The following ATP10B variants were observed in gnomAD, a reference collection of about 807,000 sequenced individuals.
ATP10B encodes ATPase phospholipid transporting 10B (putative).
ATP10B carries 122 observed loss-of-function variants against 141.2 expected under a neutral mutation model. That is an observed-to-expected ratio of 0.86 (90% CI 0.75 to 1.00). ATP10B has a LOEUF of 1.00. Among genes scored for constraint, ATP10B ranks in the 50% least tolerant of loss-of-function variants. The pLI is 0.00. For synonymous variants in ATP10B, 685 were observed against 692.0 expected, an observed-to-expected ratio of 0.99 and a Z score of 0.16; for missense variants, 1,876 against 1,825.3, an observed-to-expected ratio of 1.03 and a Z score of -0.51.
chr5:160,689,509 A>T (rs926500508), intron 3 of ATP10B, among the ~76,000 whole-genome samples: 1 of 152,250 alleles, frequency 6.6e-6, no homozygotes, highest in Non-Finnish European at 1.5e-5. Flanking sequence ...CCCTAAGCTG[A>T]TAAGCAACTT....
intron 10 of ATP10B, chr5:160,639,295 CT>C (rs1759648721): frequency 6.6e-6 from 1 of 152,282 alleles, no homozygotes; most frequent in Non-Finnish European, 1.5e-5. Context: ...AATACCCCCT[CT>C]CTCCCCAGGA....
At chr5:160,594,581 G>A (rs1413178507) in intron 22 of ATP10B, among the ~76,000 whole-genome samples, 1 of 151,640 alleles carries the variant, frequency 6.6e-6, no homozygotes, top group Non-Finnish European at 1.5e-5. Flanking sequence ...CCAATTAAAA[G>A]ACACAGACTG....
chr5:160,822,933 A>G (rs1413594930), intron 1 of ATP10B, among the ~76,000 whole-genome samples: 3 of 145,038 alleles, frequency 2.1e-5, no homozygotes, highest in Non-Finnish European at 4.5e-5. Context: ...GAAATAATGA[A>G]TAAGACCTAG....
chr5:160,883,617 A>C, the ATP10B span, among the ~76,000 whole-genome samples: 1 of 152,214 alleles, frequency 6.6e-6, no homozygotes. Flanking sequence ...AACATGCCTT[A>C]GTTTATCACG....
At chr5:160,846,337 C>CT (rs1278106955) in intron 1 of ATP10B, among the ~76,000 whole-genome samples, 3 of 152,132 alleles carry the variant, frequency 2.0e-5, no homozygotes, top group Non-Finnish European at 4.4e-5. Context: ...GAACTATATA[C>CT]TAGTCATTCA....
intron 1 of ATP10B, among the ~76,000 whole-genome samples, chr5:160,812,902 A>T (rs577216377): frequency 6.6e-6 from 1 of 152,366 alleles, no homozygotes; most frequent in East Asian, 1.9e-4. Context: ...AAGCACAAGA[A>T]GGTTGTAGAA....
the ATP10B span, among the ~76,000 whole-genome samples, chr5:160,891,870 T>C: frequency 6.6e-6 from 1 of 152,216 alleles, no homozygotes; most frequent in African/African-American, 2.4e-5. Flanking sequence ...GGGAAATTAT[T>C]TAATCTGAGT....
In ATP10B at chr5:160,581,094, G is replaced by A. The variant is rs537734117; in HGVS notation, c.3750+8498C>T. ...TTTTGTTAATCTTTTCAAAACACTA[G>A]TTCCTGGATTCATTGATTTTTTGTT... On this transcript the variant is annotated intron_variant, in intron 24 of 25. Coordinates refer to ENST00000327245, the MANE Select transcript of ATP10B (RefSeq NM_025153.3). Among the ~76,000 whole-genome samples, 184 of 152,282 alleles carry A rather than the reference G, an allele frequency of 1.2e-3. 1 individual carries two copies. In the South Asian group the frequency reaches 0.021, roughly 17 times the overall value.
At chr5:160,622,286 G>A (rs1758387744) in intron 14 of ATP10B, 108 bp downstream of exon 14, 1 of 1,138,998 alleles carries the variant, frequency 8.8e-7, no homozygotes, top group Non-Finnish European at 1.2e-6. Context: ...CTGTTGCTAG[G>A]ACCCAAATTT....
intron 7 of ATP10B, among the ~76,000 whole-genome samples, chr5:160,655,967 C>T (rs536394439): frequency 3.9e-5 from 6 of 152,294 alleles, no homozygotes; most frequent in South Asian, 4.1e-4. Context: ...GGCGTAATCA[C>T]TCCCCGGGGT....
chr5:160,873,943 C>T, the ATP10B span, among the ~76,000 whole-genome samples: 27 of 152,382 alleles, frequency 1.8e-4, no homozygotes, highest in African/African-American at 6.3e-4. Flanking sequence ...TGCAAGGCGG[C>T]AGCCAGGCTG....
chr5:160,598,675 C>T, intron 22 of ATP10B, 95 bp downstream of exon 22: 1 of 1,139,290 alleles, frequency 8.8e-7, no homozygotes, highest in Non-Finnish European at 1.3e-6. Context: ...GGCTTCTGAC[C>T]CCAGCATACA....
At chr5:160,695,192 A>G (rs963925109) in intron 3 of ATP10B, among the ~76,000 whole-genome samples, 1 of 152,190 alleles carries the variant, frequency 6.6e-6, no homozygotes. Flanking sequence ...ATTGAAACTG[A>G]CCTATTTGGG....
rs114519395 is a variant in ATP10B at position 160,785,377 on chromosome 5, C to T, written c.-331+182G>A. Among the ~76,000 whole-genome samples the T allele has an allele frequency of 5.9e-3, 893 of 152,156 alleles. 7 individuals carry two copies. The highest frequency in any genetic ancestry group is 0.019 in the African/African-American group (808 of 41,514). ...CTTGGCATCTGACATACCAGATCAG[C>T]TGACGTTTATTTTACTGGGTTGGAG... On this transcript the variant is annotated intron_variant, in intron 2 of 25. Coordinates refer to ENST00000327245, the MANE Select transcript of ATP10B (RefSeq NM_025153.3).
chr5:160,887,648 T>C, the ATP10B span, among the ~76,000 whole-genome samples: 13,456 of 152,198 alleles, frequency 0.088, 759 homozygotes, highest in Non-Finnish European at 0.12. Flanking sequence ...CTCACTCATG[T>C]TTCTCCAGCT....
At chr5:160,910,375 T>C in the ATP10B span, among the ~76,000 whole-genome samples, 5,136 of 152,272 alleles carry the variant, frequency 0.034, 304 homozygotes, top group African/African-American at 0.12. Flanking sequence ...GTATGTATAT[T>C]CTCAATCTCT....
At chr5:160,642,885 C>T (rs1759977314) in intron 9 of ATP10B, among the ~76,000 whole-genome samples, 3 of 152,224 alleles carry the variant, frequency 2.0e-5, no homozygotes, top group Admixed American at 2.0e-4. Context: ...TAGCTGGAGC[C>T]ATGGTTAACA....
intron 2 of ATP10B, among the ~76,000 whole-genome samples, chr5:160,759,936 T>TCCAAGACC (rs1365589312): frequency 1.3e-5 from 2 of 152,178 alleles, no homozygotes; most frequent in African/African-American, 4.8e-5. Context: ...GTGGAGTAAT[T>TCCAAGACC]CCAAGACCCA....
At chr5:160,621,057 A>G (rs557655438) in intron 14 of ATP10B, 107 bp from the exon 15 acceptor site, 271 of 1,351,326 alleles carry the variant, frequency 2.0e-4, no homozygotes, top group Non-Finnish European at 2.4e-4. Context: ...GAAGCCAGAT[A>G]TTTTCCTCCA....
Sources: allele counts gnomAD v4.1 joint callset (sites outside exome capture counted in the v4.1 genomes callset), GRCh38; gene constraint gnomAD v4.1.1; transcripts MANE v1.5; gene names NCBI Gene and HGNC (gene_info 2026-07-23, HGNC 2026-07-21).